RAPGEF2: variants seen among roughly 807,000 people sequenced by gnomAD.
The protein encoded by RAPGEF2 is PDZ domain containing guanine nucleotide exchange factor (GEF) 1.
RAPGEF2 carries 54 observed loss-of-function variants against 186.7 expected under a neutral mutation model. That is an observed-to-expected ratio of 0.29 (90% CI 0.23 to 0.36). The LOEUF is 0.36. RAPGEF2 is among the 10% of genes least tolerant of loss of function. The pLI is 1.00. For synonymous variants in RAPGEF2, 712 were observed against 705.9 expected (o/e 1.01, Z -0.14); for missense variants, 1,532 against 2,045.0 (o/e 0.75, Z 4.84).
At chr4:159,116,080 G>A (rs1210168592) in intron 1 of RAPGEF2, among the ~76,000 whole-genome samples, 2 of 152,096 alleles carry the variant, frequency 1.3e-5, no homozygotes, top group Non-Finnish European at 2.9e-5. Flanking sequence ...AGCAACAATT[G>A]ACAAATAGGA....
intron 1 of RAPGEF2, among the ~76,000 whole-genome samples, chr4:159,140,212 T>C (rs75819238): frequency 0.015 from 2,262 of 152,320 alleles, 68 homozygotes; most frequent in African/African-American, 0.051. Context: ...CCATTTTGGG[T>C]AGAAATAGTT....
intron 6 of RAPGEF2, among the ~76,000 whole-genome samples, chr4:159,241,579 A>G (rs1754011490): frequency 6.7e-6 from 1 of 149,682 alleles, no homozygotes; most frequent in Admixed American, 6.7e-5. Flanking sequence ...AACATTTATT[A>G]TAGAAAGAGT....
intron 1 of RAPGEF2, among the ~76,000 whole-genome samples, chr4:159,132,135 C>T (rs1741181777): frequency 6.6e-6 from 1 of 152,130 alleles, no homozygotes; most frequent in Admixed American, 6.5e-5. Flanking sequence ...GCTAGTTGGT[C>T]TAGAATTTAT....
intron 1 of RAPGEF2, among the ~76,000 whole-genome samples, chr4:159,148,629 T>C (rs1197598547): frequency 2.0e-5 from 3 of 148,860 alleles, no homozygotes; most frequent in Admixed American, 2.0e-4. Flanking sequence ...TTTCACTGTG[T>C]TTTTTTTCAT....
chr4:159,267,076 T>C, intron 7 of RAPGEF2: 1 of 897,594 alleles, frequency 1.1e-6, no homozygotes, highest in Non-Finnish European at 1.5e-6. Context: ...AATATTTCAG[T>C]GTGTATAGGG....
intron 3 of RAPGEF2, among the ~76,000 whole-genome samples, chr4:159,194,793 C>T (rs562853604): frequency 6.6e-6 from 1 of 152,130 alleles, no homozygotes; most frequent in African/African-American, 2.4e-5. Flanking sequence ...GGTTTTCATG[C>T]AGCAAAATGA....
intron 11 of RAPGEF2, 58 bp downstream of exon 11, chr4:159,323,675 C>A: frequency 9.5e-7 from 1 of 1,051,916 alleles, no homozygotes; most frequent in Non-Finnish European, 1.2e-6. Context: ...CACTTATATG[C>A]CATTGTGATG....
chr4:159,331,351 T>C, intron 13 of RAPGEF2, 80 bp from the exon 14 acceptor site: 1 of 762,830 alleles, frequency 1.3e-6, no homozygotes, highest in Middle Eastern at 2.7e-4. Flanking sequence ...TATTTGAAAG[T>C]TGGATATCTT....
chr4:159,110,569 AC>A, intron 1 of RAPGEF2, among the ~76,000 whole-genome samples: 1 of 152,200 alleles, frequency 6.6e-6, no homozygotes, highest in South Asian at 2.1e-4. Context: ...CAAGAGCGAA[AC>A]CCCATCTCAA....
Position 159,353,353 on chromosome 4 carries a change from A to G in RAPGEF2, c.4092-134A>G. ...AGAACTGGCCAATATAAGGCAATTC[A>G]GTGCTACTTTTATCCTGTTTCTGGG... is the stretch of plus-strand genomic sequence containing the variant. On this transcript the variant is annotated intron_variant, in intron 27 of 29. Transcript: ENST00000691494. The surrounding 1 kb of genome is among the most constrained non-coding windows in gnomAD (Gnocchi z 4.3). The G allele has an allele frequency of 1.6e-6, 1 of 633,614 alleles. No individual in the cohort carries two copies. The highest frequency in any genetic ancestry group is 2.4e-6 in the Non-Finnish European group (1 of 412,080). 39.2% of individuals were successfully genotyped at this position (633,614 alleles called of 1,614,324 possible). A position where few individuals can be genotyped will look rare whatever the true frequency, so the allele number is the denominator to read the frequency against.
chr4:159,104,280 G>GCT (rs1737528960), intron 1 of RAPGEF2, 49 bp downstream of exon 1: 1 of 1,232,364 alleles, frequency 8.1e-7, no homozygotes, highest in Admixed American at 2.5e-5. Context: ...TGCCTCGCAG[G>GCT]CTGCGTCTTC....
intron 1 of RAPGEF2, among the ~76,000 whole-genome samples, chr4:159,104,489 CGAGAGAGA>C (rs553251268): frequency 0.2 from 17,423 of 88,680 alleles, 1,389 homozygotes; most frequent in Admixed American, 0.26. Flanking sequence ...GTTGCCCAGC[CGAGAGAGA>C]GAGAGAGAGA....
rs115711273 is a variant in RAPGEF2, at chr4:159,190,050, A to G, written c.141-3150A>G. On this transcript the variant is annotated intron_variant, in intron 2 of 29. Transcript: ENST00000691494. ...CTTTGGAGTCAAAAGGAGGGGTGAC[A>G]TTAGAGTCAGGACAGCCTGCAAAGA... Among the ~76,000 whole-genome samples the G allele has an allele frequency of 2.7e-3, 404 of 152,310 alleles. 2 individuals are homozygous for G. The highest frequency in any genetic ancestry group is 9.4e-3 in the African/African-American group (392 of 41,566).
At chr4:159,296,534 A>G (rs1245269228) in intron 7 of RAPGEF2, among the ~76,000 whole-genome samples, 1 of 152,190 alleles carries the variant, frequency 6.6e-6, no homozygotes, top group African/African-American at 2.4e-5. Flanking sequence ...TGGGGCTGGA[A>G]TCTGTTTCCA....
intron 1 of RAPGEF2, among the ~76,000 whole-genome samples, chr4:159,166,729 T>A (rs965133363): frequency 1.3e-5 from 2 of 152,244 alleles, no homozygotes; most frequent in East Asian, 3.9e-4. Context: ...ATATATACAT[T>A]AAAAAAACCG....
chr4:159,245,909 C>G (rs977475805), intron 7 of RAPGEF2, among the ~76,000 whole-genome samples: 5 of 152,086 alleles, frequency 3.3e-5, no homozygotes, highest in African/African-American at 1.2e-4. Context: ...TCCATCCTTC[C>G]TAGGCTGGTG....
At chr4:159,231,446 CAA>C (rs1487888260) in intron 4 of RAPGEF2, among the ~76,000 whole-genome samples, 1 of 151,642 alleles carries the variant, frequency 6.6e-6, no homozygotes, top group Non-Finnish European at 1.5e-5. Flanking sequence ...CAAATTTAAA[CAA>C]AAGTTTCTCA....
At chr4:159,229,125 CAG>C (rs368969105) in intron 4 of RAPGEF2, among the ~76,000 whole-genome samples, 89 of 152,126 alleles carry the variant, frequency 5.9e-4, no homozygotes, top group Non-Finnish European at 4.0e-4. Flanking sequence ...TTTCTGGAAA[CAG>C]GGGTGTGAAA....
At position 159,310,998 on chromosome 4, in the gene RAPGEF2, A is replaced by G. The variant is rs186331731; in HGVS notation, c.676-3593A>G. Among the ~76,000 whole-genome samples, 8 of 151,570 alleles carry G rather than the reference A, an allele frequency of 5.3e-5. No individual in the cohort carries two copies. In the East Asian group the frequency reaches 1.5e-3, roughly 29 times the overall value. On this transcript the variant is annotated intron_variant, in intron 8 of 29. Coordinates refer to ENST00000691494, the MANE Select transcript of RAPGEF2 (RefSeq NM_001394067.2). ...CTGTATTATATTTCAATTTTTTTTT[A>G]TAAGACTATTGAGAATGTCGAGCAA...
Sources: allele counts gnomAD v4.1 joint callset (sites outside exome capture counted in the v4.1 genomes callset), GRCh38; gene constraint gnomAD v4.1.1; non-coding constraint Gnocchi (gnomAD v3.1); transcripts MANE v1.5; gene names NCBI Gene and HGNC (gene_info 2026-07-23, HGNC 2026-07-21).